GRID2: variants seen among roughly 807,000 people sequenced by gnomAD.
GRID2 encodes the protein glutamate receptor ionotropic, delta-2.
A neutral mutation model predicts 114.8 loss-of-function variants in GRID2; 33 were observed. The ratio of observed to expected loss-of-function variants is 0.29; its 90% CI spans 0.22 to 0.38. The LOEUF (loss-of-function observed/expected upper bound fraction) is 0.38, where lower values mean the gene tolerates loss of function less well. Among genes scored for constraint, GRID2 ranks in the 10% least tolerant of loss-of-function variants. The probability of loss-of-function intolerance (pLI) is 1.00; values close to 1 mark genes in which losing one functional copy is unlikely to be tolerated. For synonymous variants in GRID2, 505 were observed against 449.9 expected (o/e 1.12, Z -1.55); for missense variants, 1,184 against 1,257.7 (o/e 0.94, Z 0.89).
At chr4:92,517,653 C>T (rs1420727901) in intron 1 of GRID2, among the ~76,000 whole-genome samples, 1 of 151,846 alleles carries the variant, frequency 6.6e-6, no homozygotes, top group Non-Finnish European at 1.5e-5. Flanking sequence ...ACTGTGCCTT[C>T]AGTCAGCTAC....
intron 2 of GRID2, among the ~76,000 whole-genome samples, chr4:92,903,102 A>G (rs74595064): frequency 0.015 from 2,269 of 151,906 alleles, 22 homozygotes; most frequent in East Asian, 0.055. Context: ...ATTACATTGT[A>G]ATTTTAATGG....
intron 7 of GRID2, among the ~76,000 whole-genome samples, chr4:93,237,825 T>A (rs945980192): frequency 3.3e-5 from 5 of 151,806 alleles, no homozygotes; most frequent in African/African-American, 4.8e-5. Context: ...TCAAGCCTAA[T>A]TTAACTTTCT....
At chr4:92,615,830 A>C (rs571921111) in intron 2 of GRID2, among the ~76,000 whole-genome samples, 16 of 151,680 alleles carry the variant, frequency 1.1e-4, no homozygotes, top group Admixed American at 4.0e-4. Context: ...AATGTATCAC[A>C]GTCTACTTCA....
At chr4:92,470,056 C>A (rs1721957234) in intron 1 of GRID2, among the ~76,000 whole-genome samples, 1 of 151,708 alleles carries the variant, frequency 6.6e-6, no homozygotes, top group South Asian at 2.1e-4. Flanking sequence ...ATGGATGTCT[C>A]ATAAGTATAT....
intron 1 of GRID2, among the ~76,000 whole-genome samples, chr4:93,798,735 G>A (rs191768860): frequency 6.6e-6 from 1 of 152,304 alleles, no homozygotes; most frequent in Admixed American, 6.5e-5. Flanking sequence ...CTATGCTTTA[G>A]AGATTTCAGT....
intron 13 of GRID2, among the ~76,000 whole-genome samples, chr4:93,596,889 G>C (rs1412030036): frequency 1.3e-5 from 2 of 152,076 alleles, no homozygotes; most frequent in African/African-American, 2.4e-5. Flanking sequence ...GTTTATGGCT[G>C]GTGTATTTAA....
chr4:92,340,338 T>C (rs1291882535), intron 1 of GRID2, among the ~76,000 whole-genome samples: 2 of 152,202 alleles, frequency 1.3e-5, no homozygotes, highest in Non-Finnish European at 2.9e-5. Context: ...TTTTCCCGCA[T>C]GAGTGTCCCA....
chr4:93,636,141 A>C (rs572474537), intron 14 of GRID2, among the ~76,000 whole-genome samples: 14 of 152,304 alleles, frequency 9.2e-5, no homozygotes, highest in Admixed American at 2.6e-4. Context: ...CCTGAGCTAC[A>C]GGGAAGATAA....
intron 2 of GRID2, chr4:92,822,509 AT>A (rs1476895959): frequency 5.2e-6 from 2 of 384,028 alleles, no homozygotes; most frequent in Non-Finnish European, 5.1e-6. Context: ...TGGACAGTGT[AT>A]TTGTATATAC....
chr4:93,211,409 A>C (rs1433360435), intron 5 of GRID2, among the ~76,000 whole-genome samples: 1 of 152,130 alleles, frequency 6.6e-6, no homozygotes, highest in Non-Finnish European at 1.5e-5. Flanking sequence ...TATTTCATAA[A>C]ATATTACAAA....
rs530138517 is a variant in GRID2 at position 93,193,438 on chromosome 4, G to C, written c.736-13966G>C. Among the ~76,000 whole-genome samples the C allele has an allele frequency of 4.7e-3, 717 of 152,154 alleles. 10 individuals are homozygous for C. Among genetic ancestry groups the C allele is most frequent in the African/African-American group, 0.017 (686 of 41,522 alleles). ...CTCATGATAGTGAGTGAGTTCTTAC[G>C]AGATCTGATGGTTTTATAGGGGCTT... On this transcript the variant is annotated intron_variant, in intron 4 of 15. Transcript: ENST00000282020.
intron 4 of GRID2, among the ~76,000 whole-genome samples, chr4:93,157,449 GT>G (rs1737292217): frequency 6.6e-6 from 1 of 151,600 alleles, no homozygotes; most frequent in African/African-American, 2.4e-5. Flanking sequence ...TGTAGTATCA[GT>G]TTTAAGTGCA....
At chr4:92,905,356 A>C (rs770216854) in intron 2 of GRID2, among the ~76,000 whole-genome samples, 4 of 149,640 alleles carry the variant, frequency 2.7e-5, no homozygotes, top group Admixed American at 6.6e-5. Context: ...AAAAATCAAC[A>C]TGACTCTAAT....
intron 13 of GRID2, among the ~76,000 whole-genome samples, chr4:93,604,671 T>C (rs1426070218): frequency 6.6e-6 from 1 of 152,200 alleles, no homozygotes; most frequent in East Asian, 1.9e-4. Context: ...AATTTAATTG[T>C]CTTATTTTTA....
intron 8 of GRID2, among the ~76,000 whole-genome samples, chr4:93,383,727 C>T (rs747207279): frequency 1.2e-4 from 18 of 152,282 alleles, no homozygotes; most frequent in African/African-American, 4.3e-4. Context: ...CTACCCCCTA[C>T]ACAGCTCACA....
chr4:92,769,847 C>T (rs1738454046), intron 2 of GRID2, among the ~76,000 whole-genome samples: 1 of 152,132 alleles, frequency 6.6e-6, no homozygotes, highest in African/African-American at 2.4e-5. Flanking sequence ...TCTCTTAGGC[C>T]TTCAGGCCTG....
At position 92,914,600 on chromosome 4, in the gene GRID2, A is replaced by T. The variant is rs1225990815; in HGVS notation, c.245-170395A>T. ...ACCGCATTCTGATAGGCCCTAGTGT[A>T]TGTTGTTCCCCTGTATGTGTTTGTG... On this transcript the variant is annotated intron_variant, in intron 2 of 15. Coordinates refer to ENST00000282020, the MANE Select transcript of GRID2 (RefSeq NM_001510.4). 5.3e-5 allele frequency among the ~76,000 whole-genome samples: 8 copies of T among 151,912 alleles called. No homozygotes were observed. The East Asian group carries it at 1.4e-3, about 26-fold the overall frequency.
chr4:93,706,826 C>G (rs1728043074), intron 14 of GRID2, among the ~76,000 whole-genome samples: 3 of 152,054 alleles, frequency 2.0e-5, no homozygotes. Flanking sequence ...TTTTCCCATT[C>G]AGTATAATAT....
At chr4:92,848,694 CG>C (rs1393395028) in intron 2 of GRID2, among the ~76,000 whole-genome samples, 3 of 151,794 alleles carry the variant, frequency 2.0e-5, no homozygotes, top group Non-Finnish European at 4.4e-5. Flanking sequence ...AAGCGGGCTA[CG>C]GGGATCTGGA....
Sources: allele counts gnomAD v4.1 joint callset (sites outside exome capture counted in the v4.1 genomes callset), GRCh38; gene constraint gnomAD v4.1.1; transcripts MANE v1.5; gene names NCBI Gene and HGNC (gene_info 2026-07-23, HGNC 2026-07-21).